The following NEMP2 variants were observed in gnomAD, a reference collection of about 807,000 sequenced individuals.
The protein encoded by NEMP2 is UPF0571 transmembrane protein.
In NEMP2, 53 loss-of-function variants were observed where a neutral mutation model predicts 54.2. That is an observed-to-expected ratio of 0.98 (90% confidence interval 0.78 to 1.23). NEMP2 has a LOEUF of 1.23. Among genes scored for constraint, NEMP2 ranks in the 50% most tolerant of loss-of-function variants. The pLI is 0.00. For synonymous variants in NEMP2, 197 were observed against 190.3 expected, an observed-to-expected ratio of 1.04 and a Z score of -0.29; for missense variants, 455 against 511.3, an observed-to-expected ratio of 0.89 and a Z score of 1.06.
chr2:190,450,187 C>T, the NEMP2 span, among the ~76,000 whole-genome samples: 2 of 151,994 alleles, frequency 1.3e-5, no homozygotes, highest in African/African-American at 4.8e-5. Context: ...TTTTATTGTA[C>T]AAGTCAAAAG....
At chr2:190,555,505 A>G in the NEMP2 span, among the ~76,000 whole-genome samples, 1 of 152,006 alleles carries the variant, frequency 6.6e-6, no homozygotes, top group African/African-American at 2.4e-5. The surrounding 1 kb of genome is among the most constrained non-coding windows in gnomAD (Gnocchi z 4.8). Context: ...AAAACACAGC[A>G]CAAGAACTTC....
At chr2:190,562,175 A>T in the NEMP2 span, among the ~76,000 whole-genome samples, 1 of 152,200 alleles carries the variant, frequency 6.6e-6, no homozygotes, top group African/African-American at 2.4e-5. The surrounding 1 kb of genome is among the most constrained non-coding windows in gnomAD (Gnocchi z 5.0). Flanking sequence ...TAAGCTCAGC[A>T]TCTGAATTAG....
the NEMP2 span, among the ~76,000 whole-genome samples, chr2:190,556,281 C>G: frequency 6.4e-4 from 97 of 152,298 alleles, 1 homozygote; most frequent in Non-Finnish European, 1.3e-4. Context: ...TTCAACAGCT[C>G]TTCATGCTAA....
chr2:190,648,482 G>C, the NEMP2 span: 2 of 150,094 alleles, frequency 1.3e-5, no homozygotes, highest in African/African-American at 2.4e-5. Context: ...TCTGCCCCGA[G>C]CCTGCGGGGG....
At chr2:190,432,226 G>T in the NEMP2 span, among the ~76,000 whole-genome samples, 10 of 152,184 alleles carry the variant, frequency 6.6e-5, no homozygotes, top group Non-Finnish European at 4.4e-5. Flanking sequence ...TAGAGAAGAG[G>T]CTTTAACTTT....
At chr2:190,452,203 C>T in the NEMP2 span, among the ~76,000 whole-genome samples, 3 of 151,974 alleles carry the variant, frequency 2.0e-5, no homozygotes, top group Non-Finnish European at 4.4e-5. Flanking sequence ...TGCAGTGAGC[C>T]GAGATTGCGC....
chr2:190,487,605 A>T, the NEMP2 span, among the ~76,000 whole-genome samples: 1 of 152,214 alleles, frequency 6.6e-6, no homozygotes, highest in African/African-American at 2.4e-5. This position sits in a 1 kb window ranked among gnomAD's most constrained non-coding sequence, Gnocchi z 5.5. Flanking sequence ...TTGAATAAAC[A>T]TTTCTTCAAA....
chr2:190,536,392 T>A (rs1230189118), upstream of NEMP2, among the ~76,000 whole-genome samples: 1 of 152,136 alleles, frequency 6.6e-6, no homozygotes, highest in Non-Finnish European at 1.5e-5. Context: ...CAGGAAACAC[T>A]AGGGCTCTGT....
chr2:190,434,782 ATTT>A, the NEMP2 span, among the ~76,000 whole-genome samples: 4 of 152,120 alleles, frequency 2.6e-5, no homozygotes, highest in South Asian at 8.3e-4. The surrounding 1 kb of genome is among the most constrained non-coding windows in gnomAD (Gnocchi z 4.3). Context: ...AAAATGTGTT[ATTT>A]TTCAGTTTAG....
At chr2:190,450,751 C>T in the NEMP2 span, among the ~76,000 whole-genome samples, 1 of 152,186 alleles carries the variant, frequency 6.6e-6, no homozygotes, top group Non-Finnish European at 1.5e-5. Context: ...CCTCAGCCTC[C>T]GAAAGTGCTG....
chr2:190,569,258 G>A, the NEMP2 span, among the ~76,000 whole-genome samples: 1 of 152,160 alleles, frequency 6.6e-6, no homozygotes, highest in African/African-American at 2.4e-5. Flanking sequence ...GAGATATGGA[G>A]GCAAACATTC....
chr2:190,623,793 C>CA, the NEMP2 span, among the ~76,000 whole-genome samples: 1 of 151,526 alleles, frequency 6.6e-6, no homozygotes, highest in Non-Finnish European at 1.5e-5. Flanking sequence ...CACAGGCAGC[C>CA]AAAACAAAAA....
the NEMP2 span, among the ~76,000 whole-genome samples, chr2:190,424,163 T>G: frequency 5.3e-5 from 8 of 152,104 alleles, no homozygotes; most frequent in Non-Finnish European, 1.5e-5. The surrounding 1 kb of genome is among the most constrained non-coding windows in gnomAD (Gnocchi z 5.9). Flanking sequence ...TAGTTTTTCC[T>G]TTTATGGATC....
At chr2:190,564,426 T>C in the NEMP2 span, among the ~76,000 whole-genome samples, 1 of 152,216 alleles carries the variant, frequency 6.6e-6, no homozygotes. This position sits in a 1 kb window ranked among gnomAD's most constrained non-coding sequence, Gnocchi z 4.2. Flanking sequence ...CCAATTTTAT[T>C]CAATTTTATA....
the NEMP2 span, among the ~76,000 whole-genome samples, chr2:190,456,956 G>A: frequency 3.3e-5 from 5 of 152,204 alleles, no homozygotes; most frequent in African/African-American, 7.2e-5. This position sits in a 1 kb window ranked among gnomAD's most constrained non-coding sequence, Gnocchi z 5.4. Context: ...CCAATGACTC[G>A]TCAAAGTTTA....
chr2:190,455,523 G>C, the NEMP2 span, among the ~76,000 whole-genome samples: 1 of 152,158 alleles, frequency 6.6e-6, no homozygotes, highest in African/African-American at 2.4e-5. Flanking sequence ...TTGTTGATCT[G>C]CACGACCCTG....
chr2:190,446,167 G>A, the NEMP2 span, among the ~76,000 whole-genome samples: 1 of 152,192 alleles, frequency 6.6e-6, no homozygotes, highest in African/African-American at 2.4e-5. Context: ...TTGTGGTGAG[G>A]TTTAGTTTCC....
At position 190,534,696 on chromosome 2, in the gene NEMP2, A is replaced by G; in HGVS notation, c.-41T>C. 1 of 1,236,160 alleles carries G rather than the reference A, an allele frequency of 8.1e-7. No individual in the cohort carries two copies. The highest frequency in any genetic ancestry group is 1.0e-6 in the Non-Finnish European group (1 of 985,110). The allele number at this position is 1,236,160 out of a possible 1,614,324, so 76.6% of individuals were successfully genotyped here. Reference sequence around the variant, plus strand: ...CTCCGTGCGACCCGAGCCCTAGGGGACCGGCTCCGCTGCGAGGAGCGGAAG... The same window carrying G: ...CTCCGTGCGACCCGAGCCCTAGGGGGCCGGCTCCGCTGCGAGGAGCGGAAG... On this transcript the variant is annotated 5_prime_UTR_variant, in exon 1 of 9. Transcript: ENST00000409150.
the NEMP2 span, among the ~76,000 whole-genome samples, chr2:190,627,450 A>G: frequency 5.8e-3 from 888 of 152,296 alleles, 16 homozygotes; most frequent in African/African-American, 0.021. The surrounding 1 kb of genome is among the most constrained non-coding windows in gnomAD (Gnocchi z 4.4). Context: ...CTGGTGAGGG[A>G]ATTTCTATAA....
Sources: gnomAD v4.1 joint callset for allele counts (sites outside exome capture counted in the v4.1 genomes callset) on GRCh38, gnomAD v4.1.1 for gene constraint, Gnocchi (gnomAD v3.1) non-coding constraint, MANE v1.5 for transcripts, NCBI Gene and HGNC (gene_info 2026-07-23, HGNC 2026-07-21) for gene names.